The following ASAP1 variants were observed in gnomAD, a reference collection of about 807,000 sequenced individuals.
ASAP1 encodes the protein arf-GAP with SH3 domain, ANK repeat and PH domain-containing protein 1.
Under a neutral mutation model 145.2 loss-of-function variants are expected in ASAP1, and 43 were observed. The ratio of observed to expected loss-of-function variants is 0.30; its 90% CI spans 0.23 to 0.38. The LOEUF (loss-of-function observed/expected upper bound fraction) is 0.38, where lower values mean the gene tolerates loss of function less well. Among genes scored for constraint, ASAP1 ranks in the 10% least tolerant of loss-of-function variants. The probability of loss-of-function intolerance (pLI) is 1.00; values close to 1 mark genes in which losing one functional copy is unlikely to be tolerated. For synonymous variants in ASAP1, 546 were observed against 515.5 expected (o/e 1.06, Z -0.80); for missense variants, 1,018 against 1,355.3 (o/e 0.75, Z 3.91).
chr8:130,263,216 G>C (rs889395246), intron 3 of ASAP1, among the ~76,000 whole-genome samples: 1 of 152,158 alleles, frequency 6.6e-6, no homozygotes, highest in Non-Finnish European at 1.5e-5. Context: ...TTTTCTCCTA[G>C]CTATAGCTAA....
intron 4 of ASAP1, among the ~76,000 whole-genome samples, chr8:130,219,386 A>G (rs1817149792): frequency 6.6e-6 from 1 of 152,210 alleles, no homozygotes; most frequent in African/African-American, 2.4e-5. Context: ...GGGCAACGGC[A>G]GAAGGGAGGA....
rs1316707766 is a variant in ASAP1 at position 130,358,845 on chromosome 8, A to G, written c.60-702T>C. ...GCGGCACGGGGGCTCCGGAAGCCCG[A>G]GTCCCTGGTTCGCCCCCGGAGCGGT... On this transcript the variant is annotated intron_variant, in intron 2 of 29. Transcript: ENST00000518721. The surrounding 1 kb of genome is among the most constrained non-coding windows in gnomAD (Gnocchi z 4.1). Among the ~76,000 whole-genome samples, 5 of 151,474 alleles carry G rather than the reference A, an allele frequency of 3.3e-5. No individual in the cohort carries two copies. Among genetic ancestry groups the G allele is most frequent in the Non-Finnish European group, 7.4e-5 (5 of 67,856 alleles).
chr8:130,439,392 T>C (rs948275056), intron 1 of ASAP1, among the ~76,000 whole-genome samples: 1 of 152,190 alleles, frequency 6.6e-6, no homozygotes, highest in African/African-American at 2.4e-5. Flanking sequence ...GAGTAATTTG[T>C]TACCGCAGCA....
intron 3 of ASAP1, among the ~76,000 whole-genome samples, chr8:130,280,471 C>T (rs927397696): frequency 6.6e-6 from 1 of 152,256 alleles, no homozygotes; most frequent in African/African-American, 2.4e-5. Context: ...ATCCTTGACA[C>T]ACAGTCTGCC....
At position 130,115,712 on chromosome 8, in the gene ASAP1, C is replaced by T; in HGVS notation, c.2088G>A (p.Lys696=). 2 of 1,614,068 alleles carry T rather than the reference C, an allele frequency of 1.2e-6. No individual in the cohort carries two copies. Among genetic ancestry groups the T allele is most frequent in the Non-Finnish European group, 8.5e-7 (1 of 1,179,954 alleles). ...EDLLSQAKSG[K]FNPHVHVEYE... ...ATTCTACGTGGACGTGTGGATTGAACTTTCCAGATTTAGCCTGGGAAAGCT... is the reference window on the plus strand; with the variant it reads ...ATTCTACGTGGACGTGTGGATTGAATTTTCCAGATTTAGCCTGGGAAAGCT... Residue 696 remains lysine, a synonymous_variant, in exon 23 of 30, where the codon AAG becomes AAA. Transcript: ENST00000518721.
chr8:130,232,118 G>A (rs1460518603), intron 4 of ASAP1, among the ~76,000 whole-genome samples: 1 of 152,170 alleles, frequency 6.6e-6, no homozygotes, highest in Non-Finnish European at 1.5e-5. Context: ...AAGAACAGAA[G>A]GACGAGGTTG....
At chr8:130,330,289 G>T (rs1346416732) in intron 3 of ASAP1, among the ~76,000 whole-genome samples, 1 of 152,172 alleles carries the variant, frequency 6.6e-6, no homozygotes. Context: ...TGCTCAAAAG[G>T]TGTCCTCTGC....
intron 3 of ASAP1, among the ~76,000 whole-genome samples, chr8:130,339,482 A>C (rs1825243241): frequency 6.6e-6 from 1 of 152,170 alleles, no homozygotes; most frequent in African/African-American, 2.4e-5. Context: ...TAGAGTCGGA[A>C]GTCAGCAAAA....
chr8:130,199,300 C>A (rs908087112), intron 5 of ASAP1, among the ~76,000 whole-genome samples: 25 of 152,204 alleles, frequency 1.6e-4, no homozygotes, highest in Non-Finnish European at 1.5e-5. Context: ...AATAAAAATG[C>A]TTACTGATTA....
intron 24 of ASAP1, among the ~76,000 whole-genome samples, chr8:130,096,047 T>C (rs1398895741): frequency 6.6e-6 from 1 of 152,146 alleles, no homozygotes; most frequent in African/African-American, 2.4e-5. Context: ...AATCTTACAC[T>C]TGGAAAACAA....
chr8:130,260,244 T>A (rs1819812261), intron 3 of ASAP1, among the ~76,000 whole-genome samples: 1 of 151,856 alleles, frequency 6.6e-6, no homozygotes, highest in South Asian at 2.1e-4. Flanking sequence ...CAGGGGTGTA[T>A]TCTATACCAT....
intron 8 of ASAP1, among the ~76,000 whole-genome samples, chr8:130,180,399 T>C (rs531175371): frequency 3.3e-5 from 5 of 152,318 alleles, no homozygotes; most frequent in Non-Finnish European, 7.3e-5. Context: ...ACTGGACATA[T>C]GGTTAAAAAA....
intron 1 of ASAP1, among the ~76,000 whole-genome samples, chr8:130,443,069 G>C (rs1401609747): frequency 6.6e-6 from 1 of 152,114 alleles, no homozygotes; most frequent in Non-Finnish European, 1.5e-5. Context: ...GACAATGCCG[G>C]GAGGGCGCCC....
Position 130,314,921 on chromosome 8 carries a change from A to G in ASAP1, c.186+43096T>C, listed in dbSNP as rs949931329. Among the ~76,000 whole-genome samples the G allele has an allele frequency of 2.6e-5, 4 of 152,206 alleles. No homozygotes were observed. The South Asian group carries it at 8.3e-4, about 31-fold the overall frequency. ...AACTTCTGAACTTTAAGAGAGAGAG[A>G]GAAAAAGTGGGTTCCAACCCCAGGT... On this transcript the variant is annotated intron_variant, in intron 3 of 29. Coordinates refer to ENST00000518721, the MANE Select transcript of ASAP1 (RefSeq NM_018482.4).
chr8:130,357,204 C>A (rs1448949106), intron 3 of ASAP1, among the ~76,000 whole-genome samples: 1 of 152,148 alleles, frequency 6.6e-6, no homozygotes, highest in African/African-American at 2.4e-5. Flanking sequence ...GCCCTGCCCC[C>A]CACCCCCCAC....
intron 27 of ASAP1, among the ~76,000 whole-genome samples, chr8:130,061,556 T>C (rs1376243601): frequency 6.6e-6 from 1 of 152,234 alleles, no homozygotes; most frequent in Non-Finnish European, 1.5e-5. Flanking sequence ...TTCTATTCCA[T>C]TCTATAGCTG....
intron 1 of ASAP1, among the ~76,000 whole-genome samples, chr8:130,406,428 C>G (rs1206788674): frequency 6.6e-6 from 1 of 151,856 alleles, no homozygotes; most frequent in East Asian, 1.9e-4. Flanking sequence ...GGTTAGAATC[C>G]AGATTATGAA....
chr8:130,293,894 T>C (rs557796754), intron 3 of ASAP1, among the ~76,000 whole-genome samples: 192 of 152,368 alleles, frequency 1.3e-3, no homozygotes, highest in Admixed American at 2.0e-3. Context: ...TGCAATGGCC[T>C]GGCTGCTGAG....
intron 5 of ASAP1, among the ~76,000 whole-genome samples, chr8:130,204,430 G>A (rs1240525479): frequency 6.6e-6 from 1 of 152,124 alleles, no homozygotes; most frequent in Non-Finnish European, 1.5e-5. Flanking sequence ...CAGTTTGTGA[G>A]CTCTTAAATA....
Sources: gnomAD v4.1 joint callset for allele counts (sites outside exome capture counted in the v4.1 genomes callset) on GRCh38, gnomAD v4.1.1 for gene constraint, Gnocchi (gnomAD v3.1) non-coding constraint, MANE v1.5 for transcripts, NCBI Gene and HGNC (gene_info 2026-07-23, HGNC 2026-07-21) for gene names.